CPNE8: variants seen among roughly 807,000 people sequenced by gnomAD.
CPNE8 encodes the protein copine-8.
Under a neutral mutation model 81.5 loss-of-function variants are expected in CPNE8, and 45 were observed. The observed-to-expected ratio is 0.55, with a 90% CI of 0.44 to 0.71. The LOEUF (loss-of-function observed/expected upper bound fraction) is 0.71, where lower values mean the gene tolerates loss of function less well. Among genes scored for constraint, CPNE8 ranks in the 30% least tolerant of loss-of-function variants. The pLI is 0.00. For synonymous variants in CPNE8, 252 were observed against 226.3 expected (o/e 1.11, Z -1.02); for missense variants, 594 against 672.1 (o/e 0.88, Z 1.28).
chr12:38,678,771 A>C (rs1939346100), intron 16 of CPNE8, among the ~76,000 whole-genome samples: 1 of 151,932 alleles, frequency 6.6e-6, no homozygotes, highest in Non-Finnish European at 1.5e-5. Context: ...AGATTGTTAA[A>C]GTAAATATAG....
chr12:38,903,635 G>A (rs1944521335), intron 1 of CPNE8, among the ~76,000 whole-genome samples: 1 of 152,188 alleles, frequency 6.6e-6, no homozygotes, highest in Admixed American at 6.5e-5. Context: ...TAGGCCACAT[G>A]CCATTCAGAC....
At chr12:38,894,506 ATTAAT>A (rs1350301442) in intron 1 of CPNE8, among the ~76,000 whole-genome samples, 3 of 152,078 alleles carry the variant, frequency 2.0e-5, no homozygotes, top group African/African-American at 7.2e-5. Flanking sequence ...TGCTTCCATA[ATTAAT>A]TTGAGAGTGG....
intron 11 of CPNE8, among the ~76,000 whole-genome samples, chr12:38,726,038 T>C (rs1940688264): frequency 6.6e-6 from 1 of 152,040 alleles, no homozygotes; most frequent in South Asian, 2.1e-4. Flanking sequence ...GAGGCAGAGC[T>C]CAGGCAGTAA....
At chr12:38,876,275 G>A (rs181348172) in intron 1 of CPNE8, among the ~76,000 whole-genome samples, 7 of 152,202 alleles carry the variant, frequency 4.6e-5, no homozygotes, top group African/African-American at 1.2e-4. Context: ...GCAATGGTGC[G>A]ATCTCTGTTC....
chr12:38,885,081 A>T (rs1944219579), intron 1 of CPNE8, among the ~76,000 whole-genome samples: 1 of 152,222 alleles, frequency 6.6e-6, no homozygotes. Flanking sequence ...TATTATTTTA[A>T]AATTTTGGCA....
At chr12:38,902,657 A>C (rs572369222) in intron 1 of CPNE8, among the ~76,000 whole-genome samples, 1 of 152,336 alleles carries the variant, frequency 6.6e-6, no homozygotes, top group South Asian at 2.1e-4. Context: ...GATGCACATC[A>C]AAGAAGATAG....
In CPNE8 at chr12:38,859,104, T is replaced by C. The variant is rs552977637; in HGVS notation, c.187-10442A>G. On this transcript the variant is annotated intron_variant, in intron 3 of 19. Transcript: ENST00000331366. The stretch of plus-strand genomic sequence containing the variant: ...GTATGAAAATCCTAGCCAGAGCAAT[T>C]AGACATGAAAAAGAAATAAAAGGTA... 3.7e-3 allele frequency among the ~76,000 whole-genome samples: 556 copies of C among 151,826 alleles called. 2 individuals are homozygous for C. The highest frequency in any genetic ancestry group is 0.013 in the African/African-American group (533 of 41,386).
At chr12:38,906,119 C>T (rs996758947), upstream of CPNE8, 5 of 985,900 alleles carry the variant, frequency 5.1e-6, no homozygotes, top group African/African-American at 5.2e-5. Flanking sequence ...TATAAGGTCC[C>T]CCTCCCCACA....
chr12:38,661,047 T>C (rs144870001), intron 19 of CPNE8, among the ~76,000 whole-genome samples: 335 of 152,354 alleles, frequency 2.2e-3, no homozygotes, highest in African/African-American at 7.4e-3. Context: ...GAAGACAGTG[T>C]GGCGATTCCT....
At chr12:38,906,537 C>G, upstream of CPNE8, 2 of 985,700 alleles carry the variant, frequency 2.0e-6, no homozygotes, top group Non-Finnish European at 2.4e-6. Flanking sequence ...ATGTCACAAC[C>G]ATATAACGCA....
At chr12:38,746,607 A>G (rs1941232064) in intron 10 of CPNE8, among the ~76,000 whole-genome samples, 1 of 152,174 alleles carries the variant, frequency 6.6e-6, no homozygotes, top group Non-Finnish European at 1.5e-5. Context: ...GTTTTTTGCT[A>G]AAAGCATCTT....
chr12:38,879,315 T>TC (rs1944115368), intron 1 of CPNE8, among the ~76,000 whole-genome samples: 4 of 150,224 alleles, frequency 2.7e-5, no homozygotes, highest in Admixed American at 2.6e-4. Flanking sequence ...AGTCTCTGTT[T>TC]CCCCTTTTTT....
chr12:38,713,904 A>G (rs1163800892), intron 13 of CPNE8, among the ~76,000 whole-genome samples: 1 of 152,206 alleles, frequency 6.6e-6, no homozygotes, highest in African/African-American at 2.4e-5. Flanking sequence ...AGCATAGACC[A>G]GGATTTCATG....
At chr12:38,672,344 C>T (rs1448246940) in intron 18 of CPNE8, among the ~76,000 whole-genome samples, 1 of 152,192 alleles carries the variant, frequency 6.6e-6, no homozygotes, top group Non-Finnish European at 1.5e-5. Context: ...TCCCACTTTT[C>T]AGCATGTCTG....
At chr12:38,705,610 A>G (rs188509779) in intron 13 of CPNE8, among the ~76,000 whole-genome samples, 2 of 152,292 alleles carry the variant, frequency 1.3e-5, no homozygotes, top group East Asian at 3.9e-4. Flanking sequence ...TTCTGGGAGA[A>G]CATTTTCAGA....
intron 10 of CPNE8, among the ~76,000 whole-genome samples, chr12:38,740,861 T>G (rs533440764): frequency 2.7e-4 from 41 of 152,276 alleles, no homozygotes; most frequent in Non-Finnish European, 4.9e-4. Flanking sequence ...CTTTTTTTGT[T>G]GTGTCTCTGC....
At chr12:38,895,449 T>C (rs1944376419) in intron 1 of CPNE8, among the ~76,000 whole-genome samples, 1 of 152,126 alleles carries the variant, frequency 6.6e-6, no homozygotes, top group Non-Finnish European at 1.5e-5. Flanking sequence ...CTCTCTCCAG[T>C]ATTTAGTTTT....
chr12:38,785,507 A>G (rs1942163874), intron 6 of CPNE8, among the ~76,000 whole-genome samples: 1 of 152,160 alleles, frequency 6.6e-6, no homozygotes, highest in Admixed American at 6.5e-5. Flanking sequence ...TTCTTGTGAT[A>G]GTGAATAAGT....
intron 3 of CPNE8, among the ~76,000 whole-genome samples, chr12:38,857,347 C>T (rs1236173505): frequency 6.6e-6 from 1 of 152,086 alleles, no homozygotes; most frequent in African/African-American, 2.4e-5. Flanking sequence ...TAGATCTGTC[C>T]TTGTTTATTG....
Sources: gnomAD v4.1 joint callset for allele counts (sites outside exome capture counted in the v4.1 genomes callset) on GRCh38, gnomAD v4.1.1 for gene constraint, MANE v1.5 for transcripts, NCBI Gene and HGNC (gene_info 2026-07-23, HGNC 2026-07-21) for gene names.